TEX9: variants seen among roughly 807,000 people sequenced by gnomAD.
The protein encoded by TEX9 is testis expressed 9.
Under a neutral mutation model 59.6 loss-of-function variants are expected in TEX9, and 74 were observed. The observed-to-expected ratio is 1.24, with a 90% CI of 1.03 to 1.51. The LOEUF is 1.51. Among genes scored for constraint, TEX9 ranks in the 40% most tolerant of loss-of-function variants. The pLI, the probability that TEX9 is intolerant of heterozygous loss-of-function variation, is 0.00. For missense variants in TEX9, 522 were observed against 447.8 expected, an observed-to-expected ratio of 1.17 and a Z score of -1.49; for synonymous variants, 186 against 152.2, an observed-to-expected ratio of 1.22 and a Z score of -1.64.
At chr15:56,255,708 C>G (rs1301454922) in intron 1 of TEX9, among the ~76,000 whole-genome samples, 1 of 151,988 alleles carries the variant, frequency 6.6e-6, no homozygotes, top group East Asian at 1.9e-4. Context: ...AAGAATATAA[C>G]ATCAAATGTC....
chr15:56,312,661 G>C (rs2045650618), intron 1 of TEX9, among the ~76,000 whole-genome samples: 1 of 134,610 alleles, frequency 7.4e-6, no homozygotes, highest in African/African-American at 2.9e-5. Context: ...CTTTAAAGTA[G>C]TTTTTTCCAA....
At chr15:56,338,298 A>G (rs562454027) in intron 1 of TEX9, among the ~76,000 whole-genome samples, 2 of 152,312 alleles carry the variant, frequency 1.3e-5, no homozygotes, top group East Asian at 3.9e-4. Flanking sequence ...AGTACCATTC[A>G]ATGTTCATTG....
chr15:56,321,533 T>C (rs936485057), intron 1 of TEX9, among the ~76,000 whole-genome samples: 2 of 152,172 alleles, frequency 1.3e-5, no homozygotes, highest in Non-Finnish European at 2.9e-5. Context: ...AAGGCCATTA[T>C]ATGAAAAGGT....
intron 1 of TEX9, among the ~76,000 whole-genome samples, chr15:56,293,500 G>A (rs1459251746): frequency 5.3e-5 from 8 of 152,246 alleles, no homozygotes; most frequent in African/African-American, 1.9e-4. Context: ...ACCAGGAAGT[G>A]ATCTGTAGGC....
intron 1 of TEX9, among the ~76,000 whole-genome samples, chr15:56,328,591 C>A (rs1415558430): frequency 6.6e-6 from 1 of 152,170 alleles, no homozygotes; most frequent in Non-Finnish European, 1.5e-5. Flanking sequence ...GCATTAATCA[C>A]AAGCTGACCA....
At chr15:56,370,887 G>T (rs551355707) in intron 2 of TEX9, among the ~76,000 whole-genome samples, 5 of 152,182 alleles carry the variant, frequency 3.3e-5, no homozygotes, top group Admixed American at 6.5e-5. Context: ...ACAGAGCCTT[G>T]CTCTGTTGCC....
chr15:56,384,620 G>A (rs11638872), intron 4 of TEX9, among the ~76,000 whole-genome samples: 10,522 of 152,188 alleles, frequency 0.069, 457 homozygotes, highest in Non-Finnish European at 0.1. Context: ...TGTTGAAATT[G>A]GTATTGGGAA....
At chr15:56,391,527 G>A in intron 7 of TEX9, 109 bp downstream of exon 7, 3 of 730,856 alleles carry the variant, frequency 4.1e-6, no homozygotes, top group Non-Finnish European at 6.0e-6. Flanking sequence ...TGATGTCTTG[G>A]TTTGTTTCAG....
intron 1 of TEX9, among the ~76,000 whole-genome samples, chr15:56,330,145 A>G (rs1374624070): frequency 6.6e-6 from 1 of 152,166 alleles, no homozygotes; most frequent in African/African-American, 2.4e-5. Flanking sequence ...TGCTAAAGGA[A>G]AAAAATATTT....
At chr15:56,348,188 A>G (rs577454691) in intron 1 of TEX9, among the ~76,000 whole-genome samples, 2 of 152,148 alleles carry the variant, frequency 1.3e-5, no homozygotes, top group African/African-American at 2.4e-5. Context: ...TGTGAATATA[A>G]AATTATCTTA....
At chr15:56,299,913 G>T (rs1183962258) in intron 1 of TEX9, among the ~76,000 whole-genome samples, 1 of 152,166 alleles carries the variant, frequency 6.6e-6, no homozygotes. Context: ...CTCACCAGGA[G>T]CCTTGAGTGA....
At chr15:56,256,645 C>T (rs547124107) in intron 1 of TEX9, among the ~76,000 whole-genome samples, 2 of 151,208 alleles carry the variant, frequency 1.3e-5, no homozygotes, top group East Asian at 3.9e-4. Flanking sequence ...GAATGTCTCA[C>T]CAAGGTTAAA....
chr15:56,301,941 G>C (rs2045368903), intron 1 of TEX9, among the ~76,000 whole-genome samples: 1 of 152,150 alleles, frequency 6.6e-6, no homozygotes, highest in Admixed American at 6.5e-5. Flanking sequence ...ATCTTGAGTA[G>C]AAAGACTGAA....
chr15:56,353,969 G>A (rs2046634722), intron 1 of TEX9, among the ~76,000 whole-genome samples: 1 of 152,080 alleles, frequency 6.6e-6, no homozygotes, highest in African/African-American at 2.4e-5. Context: ...TTATATTTTA[G>A]ATGGGTTATC....
the TEX9 span, among the ~76,000 whole-genome samples, chr15:56,458,933 C>T: frequency 6.6e-6 from 1 of 152,230 alleles, no homozygotes; most frequent in Middle Eastern, 3.4e-3. Context: ...GCTATGGCAG[C>T]TATAAAGCTG....
At chr15:56,300,685 C>CAGAG (rs71110380) in intron 1 of TEX9, among the ~76,000 whole-genome samples, 35 of 115,660 alleles carry the variant, frequency 3.0e-4, no homozygotes, top group African/African-American at 1.2e-3. Flanking sequence ...AGCAACTCAG[C>CAGAG]AGAGAGAGAG....
chr15:56,460,009 A>AAAAAAAAAAAAAAAAAATAT, the TEX9 span, among the ~76,000 whole-genome samples: 6 of 26,388 alleles, frequency 2.3e-4, 2 homozygotes, highest in African/African-American at 4.5e-4. Context: ...AAAAAAAAAA[A>AAAAAAAAAAAAAAAAAATAT]ATACATATAT....
At chr15:56,271,974 C>T (rs1015604964) in intron 1 of TEX9, among the ~76,000 whole-genome samples, 11 of 152,008 alleles carry the variant, frequency 7.2e-5, no homozygotes, top group Non-Finnish European at 1.2e-4. Flanking sequence ...CCTGTCTCTA[C>T]TAAAAACTAC....
intron 12 of TEX9, among the ~76,000 whole-genome samples, chr15:56,436,338 A>G (rs1024857469): frequency 1.3e-5 from 2 of 152,204 alleles, no homozygotes; most frequent in Admixed American, 6.5e-5. Flanking sequence ...AAAGTGAACA[A>G]CCTGCTCCTG....
Sources: gnomAD v4.1 joint callset for allele counts (sites outside exome capture counted in the v4.1 genomes callset) on GRCh38, gnomAD v4.1.1 for gene constraint, MANE v1.5 for transcripts, NCBI Gene and HGNC (gene_info 2026-07-23, HGNC 2026-07-21) for gene names.